GRM7: variants seen among roughly 807,000 people sequenced by gnomAD.
GRM7 encodes the protein glutamate metabotropic receptor 7.
GRM7 carries 35 observed loss-of-function variants against 84.5 expected under a neutral mutation model. The ratio of observed to expected loss-of-function variants is 0.41; its 90% CI spans 0.32 to 0.55. The LOEUF (loss-of-function observed/expected upper bound fraction) is 0.55. GRM7 is among the 20% of genes least tolerant of loss of function. The pLI is 0.19. For missense variants in GRM7, 1,003 were observed against 1,194.6 expected (o/e 0.84, Z 2.36); for synonymous variants, 487 against 455.1 (o/e 1.07, Z -0.89).
chr3:7,664,841 C>T (rs182408535), intron 8 of GRM7, among the ~76,000 whole-genome samples: 4 of 150,844 alleles, frequency 2.7e-5, no homozygotes, highest in South Asian at 2.1e-4. Context: ...AAGCTCCTCC[C>T]TCCTGCTTTA....
chr3:6,868,518 A>G (rs1329047279), intron 1 of GRM7, among the ~76,000 whole-genome samples: 1 of 152,192 alleles, frequency 6.6e-6, no homozygotes, highest in African/African-American at 2.4e-5. Flanking sequence ...CCCCGTATGC[A>G]GGAAATAAAT....
chr3:7,714,060 T>G (rs976782882), intron 9 of GRM7, among the ~76,000 whole-genome samples: 6 of 152,142 alleles, frequency 3.9e-5, no homozygotes, highest in Non-Finnish European at 5.9e-5. Context: ...TTTTTGTTTT[T>G]GAGTTTTTAA....
chr3:7,318,974 G>T (rs1210578268), intron 4 of GRM7, among the ~76,000 whole-genome samples: 6 of 152,032 alleles, frequency 3.9e-5, no homozygotes, highest in Non-Finnish European at 7.4e-5. Flanking sequence ...GGAGGTTTTG[G>T]CAAGAGACAT....
intron 4 of GRM7, among the ~76,000 whole-genome samples, chr3:7,338,869 G>A (rs1227900048): frequency 1.3e-5 from 2 of 151,680 alleles, no homozygotes; most frequent in African/African-American, 2.4e-5. Flanking sequence ...CTATAAACTT[G>A]GCCTTTTATC....
intron 1 of GRM7, among the ~76,000 whole-genome samples, chr3:6,889,644 T>C (rs550340036): frequency 2.9e-4 from 44 of 152,326 alleles, no homozygotes; most frequent in South Asian, 2.3e-3. Flanking sequence ...CAGTATTTTA[T>C]TGAGGATTTT....
At chr3:6,957,295 GGTGTCTCACTT>G (rs1348711238) in intron 1 of GRM7, among the ~76,000 whole-genome samples, 2 of 152,136 alleles carry the variant, frequency 1.3e-5, no homozygotes, top group Admixed American at 1.3e-4. Context: ...TCTTGATTAA[GGTGTCTCACTT>G]GTCAGCTTGC....
intron 1 of GRM7, among the ~76,000 whole-genome samples, chr3:7,111,965 A>G (rs6778030): frequency 0.59 from 88,935 of 151,968 alleles, 27,829 homozygotes; most frequent in African/African-American, 0.83. Context: ...TTGACTATCT[A>G]TGAAAACTGT....
intron 2 of GRM7, among the ~76,000 whole-genome samples, chr3:7,202,272 C>T (rs189406736): frequency 1.3e-5 from 2 of 152,212 alleles, no homozygotes; most frequent in East Asian, 1.9e-4. Flanking sequence ...CTGTTTATTG[C>T]CATTCCTCAA....
chr3:7,031,136 C>T (rs1566366), intron 1 of GRM7, among the ~76,000 whole-genome samples: 56,055 of 151,948 alleles, frequency 0.37, 12,081 homozygotes, highest in East Asian at 0.5. Flanking sequence ...GTAAAGCTTT[C>T]AATATTTGCC....
At chr3:6,915,830 A>G (rs1338801196) in intron 1 of GRM7, among the ~76,000 whole-genome samples, 2 of 152,174 alleles carry the variant, frequency 1.3e-5, no homozygotes, top group East Asian at 3.9e-4. Context: ...TTTTTTAACC[A>G]AAGACTGAGT....
chr3:7,142,125 G>T (rs1019113044), intron 1 of GRM7, among the ~76,000 whole-genome samples: 3 of 151,870 alleles, frequency 2.0e-5, no homozygotes, highest in Admixed American at 1.3e-4. Flanking sequence ...GTTAGGCTTA[G>T]GTTAGGTCAA....
At chr3:7,133,493 C>T (rs1285417364) in intron 1 of GRM7, among the ~76,000 whole-genome samples, 2 of 152,182 alleles carry the variant, frequency 1.3e-5, no homozygotes, top group East Asian at 1.9e-4. Flanking sequence ...CTGTGGCCCC[C>T]ACAACAAAGC....
At chr3:6,873,963 CAA>C (rs1695215800) in intron 1 of GRM7, among the ~76,000 whole-genome samples, 2 of 152,216 alleles carry the variant, frequency 1.3e-5, no homozygotes, top group Non-Finnish European at 2.9e-5. Context: ...GATAATCAGG[CAA>C]TGGGCAAAAT....
chr3:7,309,446 G>A (rs2125038988), intron 4 of GRM7, among the ~76,000 whole-genome samples: 2 of 152,148 alleles, frequency 1.3e-5, no homozygotes, highest in South Asian at 4.2e-4. Context: ...ATTGAATTAT[G>A]CTGGGGTAGA....
intron 9 of GRM7, chr3:7,681,970 G>C (rs1387531059): frequency 6.6e-6 from 1 of 152,164 alleles, no homozygotes; most frequent in Non-Finnish European, 1.5e-5. Context: ...AATTTATTAA[G>C]ATATAGTAGC....
intron 7 of GRM7, among the ~76,000 whole-genome samples, chr3:7,547,191 A>ATTTTTTTT: frequency 7.4e-6 from 1 of 134,654 alleles, no homozygotes; most frequent in African/African-American, 2.9e-5. Flanking sequence ...CAGAGAGTGA[A>ATTTTTTTT]TTCTTTTTTT....
chr3:7,641,561 C>T (rs1258456023), intron 8 of GRM7, among the ~76,000 whole-genome samples: 2 of 152,122 alleles, frequency 1.3e-5, no homozygotes, highest in Admixed American at 6.6e-5. Flanking sequence ...CCATGTAGGA[C>T]ACCAAATTAA....
In GRM7 at chr3:7,706,044, AAAC is replaced by A. The variant is rs139971881; in HGVS notation, c.2698+25757_2698+25759del. ...GAAGGAGACAATGTATCAGAGGTAAAAACAACAACACTGGAGATGAATTAACTT... is the reference window on the plus strand; with the variant it reads ...GAAGGAGACAATGTATCAGAGGTAAAAACAACACTGGAGATGAATTAACTT... On this transcript the variant is annotated intron_variant, in intron 9 of 9. Transcript: ENST00000357716. 2.9e-3 allele frequency among the ~76,000 whole-genome samples: 442 copies of A among 152,274 alleles called. 2 individuals carry two copies. Among genetic ancestry groups the A allele is most frequent in the African/African-American group, 0.01 (423 of 41,558 alleles).
At chr3:7,034,779 G>C (rs1696323387) in intron 1 of GRM7, among the ~76,000 whole-genome samples, 1 of 152,214 alleles carries the variant, frequency 6.6e-6, no homozygotes, top group African/African-American at 2.4e-5. Context: ...ATCCATGTCA[G>C]CTGGACACAG....
Sources: gnomAD v4.1 joint callset for allele counts (sites outside exome capture counted in the v4.1 genomes callset) on GRCh38, gnomAD v4.1.1 for gene constraint, MANE v1.5 for transcripts, NCBI Gene and HGNC (gene_info 2026-07-23, HGNC 2026-07-21) for gene names.